DNAH2: variants seen among roughly 807,000 people sequenced by gnomAD.
DNAH2 encodes dynein axonemal heavy chain 2, also known as axonemal beta dynein heavy chain 2.
A neutral mutation model predicts 523.5 loss-of-function variants in DNAH2; 323 were observed. The observed-to-expected ratio is 0.62, with a 90% CI of 0.56 to 0.68. DNAH2 has a LOEUF of 0.68. Ranked by LOEUF, DNAH2 falls within the 30% of genes least tolerant of loss-of-function variation. The probability of loss-of-function intolerance (pLI) is 0.00; values close to 1 mark genes in which losing one functional copy is unlikely to be tolerated. For synonymous variants in DNAH2, 2,093 were observed against 2,177.4 expected, an observed-to-expected ratio of 0.96 and a Z score of 1.08; for missense variants, 4,907 against 5,701.5, an observed-to-expected ratio of 0.86 and a Z score of 4.49.
intron 39 of DNAH2, among the ~76,000 whole-genome samples, chr17:7,783,164 G>A (rs539969372): frequency 1.3e-5 from 2 of 152,162 alleles, no homozygotes; most frequent in South Asian, 2.1e-4. Flanking sequence ...CGCAACCTCC[G>A]CCTCCCAGGT....
At position 7,823,465 on chromosome 17, in the gene DNAH2, G is replaced by A; in HGVS notation, c.11166G>A (p.Met3722Ile). Residue 3722 changes from methionine (M) to isoleucine (I), a missense_variant, in exon 74 of 86, where the codon ATG becomes ATA. Met to Ile is a conservative substitution (Grantham distance 10). Transcript: ENST00000572933. Reference protein sequence around the residue: ...GGVVLDREGQMDNPCSSWLAD... With the variant: ...GGVVLDREGQIDNPCSSWLAD... ...AGGTCTTGGATCGGGAGGGCCAAAT[G>A]GACAATCCATGTAGTAGCTGGCTTG... The A allele has an allele frequency of 2.5e-6, 4 of 1,613,856 alleles. No homozygotes were observed. Among genetic ancestry groups the A allele is most frequent in the Non-Finnish European group, 3.4e-6 (4 of 1,179,962 alleles).
chr17:7,737,585 C>T (rs2075178234), intron 8 of DNAH2, among the ~76,000 whole-genome samples: 1 of 152,156 alleles, frequency 6.6e-6, no homozygotes, highest in African/African-American at 2.4e-5. Context: ...GCTCTTCTTC[C>T]CATTCCTCAA....
intron 28 of DNAH2, among the ~76,000 whole-genome samples, chr17:7,773,541 A>G (rs143639686): frequency 6.6e-6 from 1 of 152,164 alleles, no homozygotes; most frequent in Non-Finnish European, 1.5e-5. Context: ...AGTGAACCCA[A>G]TTGCCATCAA....
At chr17:7,757,270 G>T in intron 13 of DNAH2, 33 bp downstream of exon 13, 1 of 1,603,990 alleles carries the variant, frequency 6.2e-7, no homozygotes, top group African/African-American at 1.3e-5. Context: ...AGCCCTTCAA[G>T]ATGCTATTTT....
chr17:7,751,057 C>T (rs1451481685), intron 12 of DNAH2, among the ~76,000 whole-genome samples: 1 of 152,028 alleles, frequency 6.6e-6, no homozygotes, highest in East Asian at 1.9e-4. Flanking sequence ...GAATGTTTAT[C>T]CTTTGTGATT....
chr17:7,761,371 G>A (rs999998187), intron 18 of DNAH2, among the ~76,000 whole-genome samples: 3 of 152,098 alleles, frequency 2.0e-5, no homozygotes, highest in South Asian at 2.1e-4. Flanking sequence ...GGGCTCAAGC[G>A]ATCCTCCTGG....
In DNAH2 at chr17:7,824,198, G is replaced by A; in HGVS notation, c.11556G>A (p.Leu3852=). 6.2e-7 allele frequency: 1 copy of A among 1,606,330 alleles called. No individual in the cohort carries two copies. Among genetic ancestry groups the A allele is most frequent in the Non-Finnish European group, 8.5e-7 (1 of 1,178,050 alleles). ...SPGVDPTSAL[L]QLAEHMGMAQ... ...GTGTGGACCCCACCAGTGCCCTGCT[G>A]CAGCTGGCAGAGCACATGGGCATGG... Residue 3852 remains leucine (L), a synonymous_variant, in exon 76 of 86, where the codon CTG becomes CTA. Transcript: ENST00000572933.
chr17:7,821,533 C>T lies in DNAH2; in HGVS notation c.11142+164C>T, dbSNP rs1434951272. ...GTGCATGGTGAGCTCCCTGGGGCTGCGGAGGTGACTTGCCATGCACCCCCT... is the reference window on the plus strand; with the variant it reads ...GTGCATGGTGAGCTCCCTGGGGCTGTGGAGGTGACTTGCCATGCACCCCCT... On this transcript the variant is annotated intron_variant, in intron 73 of 85. Coordinates refer to ENST00000572933, the MANE Select transcript of DNAH2 (RefSeq NM_020877.5). This position sits in a 1 kb window ranked among gnomAD's most constrained non-coding sequence, Gnocchi z 5.0. 6.6e-6 allele frequency among the ~76,000 whole-genome samples: 1 copy of T among 152,108 alleles called. No individual in the cohort carries two copies. Among genetic ancestry groups the T allele is most frequent in the Non-Finnish European group, 1.5e-5 (1 of 68,010 alleles).
At chr17:7,778,573 A>G (rs1435805884) in intron 35 of DNAH2, 104 bp downstream of exon 35, 4 of 1,021,522 alleles carry the variant, frequency 3.9e-6, no homozygotes, top group Non-Finnish European at 5.5e-6. Flanking sequence ...GCTTCATGAC[A>G]TTGCATCACA....
In DNAH2 at chr17:7,793,514, TCTTC is replaced by T. The variant is rs1234792032; in HGVS notation, c.7569+310_7569+313del. Reference sequence around the variant, plus strand: ...TTCTTTCTTTCTTTCTTTCTTTCTTTCTTCTCTTTCTCTTTCTTTCTTTTTCTTT... The same window carrying T: ...TTCTTTCTTTCTTTCTTTCTTTCTTTTCTTTCTCTTTCTTTCTTTTTCTTT... On this transcript the variant is annotated intron_variant, in intron 48 of 85. Coordinates refer to ENST00000572933, the MANE Select transcript of DNAH2 (RefSeq NM_020877.5). 5.9e-5 allele frequency among the ~76,000 whole-genome samples: 7 copies of T among 119,206 alleles called. No homozygotes were observed. The East Asian group carries it at 1.4e-3, about 23-fold the overall frequency. 78.2% of individuals were successfully genotyped at this position (119,206 alleles called of 152,430 possible).
Position 7,831,442 on chromosome 17 carries a change from A to C in DNAH2, c.12512A>C (p.Tyr4171Ser), listed in dbSNP as rs373188569. Residue 4171 changes from tyrosine to serine, a missense_variant, in exon 81 of 86, where the codon TAT becomes TCT. By Grantham distance (144) the Tyr-to-Ser change is moderately radical. Transcript: ENST00000572933. The surrounding 1 kb of genome is among the most constrained non-coding windows in gnomAD (Gnocchi z 4.2). Reference sequence around the variant, plus strand: ...CAGAAGATCCCTGAAATGATCGACTATGAGGGGACTCAAAAACTGCTAGCT... The same window carrying C: ...CAGAAGATCCCTGAAATGATCGACTCTGAGGGGACTCAAAAACTGCTAGCT... ...VKQKIPEMID[Y>S]EGTQKLLALD... is the part of the protein sequence containing the mutation. The C allele has an allele frequency of 1.9e-6, 3 of 1,614,044 alleles. No individual in the cohort carries two copies. The Admixed American group carries it at 5.0e-5, about 27-fold the overall frequency.
chr17:7,767,539 G>A (rs12946592), intron 22 of DNAH2, among the ~76,000 whole-genome samples: 25,037 of 151,044 alleles, frequency 0.17, 2,557 homozygotes, highest in East Asian at 0.3. Flanking sequence ...CAGCTGCACC[G>A]TTTCACATTC....
chr17:7,798,046 C>G lies in DNAH2; in HGVS notation c.8231-111C>G. 20 of 1,437,676 alleles carry G rather than the reference C, an allele frequency of 1.4e-5. No individual in the cohort carries two copies. The highest frequency in any genetic ancestry group is 1.9e-5 in the Non-Finnish European group (20 of 1,074,726). 89.1% of individuals were successfully genotyped at this position (1,437,676 alleles called of 1,614,324 possible). On this transcript the variant is annotated intron_variant, in intron 53 of 85. Transcript: ENST00000572933. The surrounding 1 kb of genome is among the most constrained non-coding windows in gnomAD (Gnocchi z 5.5). The stretch of plus-strand genomic sequence containing the variant: ...CTTGGGCACCAACTTCTTCTCATAC[C>G]TCTTGGTTCCTCTGCTTCAGTTTCA...
Position 7,775,306 on chromosome 17 carries a change from C to G in DNAH2, c.4785C>G (p.Asp1595Glu). The change falls in exon 30 of 86, where the codon GAC becomes GAG. Residue 1595 changes from aspartate (D) to glutamate (E), a missense_variant. Asp to Glu is a conservative substitution (Grantham distance 45). This residue lies in a region of DNAH2 where 2,806 missense variants were observed against 3,190.8 expected (regional missense o/e 0.88). Coordinates refer to ENST00000572933, the MANE Select transcript of DNAH2 (RefSeq NM_020877.5). ...TCTCGGGCGACGGCGAGTACATTGA[C>G]TTCCTCCACTCAGTATTTTTAGAAG... The part of the protein sequence containing the change: ...GMFSGDGEYI[D>E]FLHSVFLEGP... The G allele has an allele frequency of 1.2e-6, 2 of 1,613,294 alleles. No homozygotes were observed. Among genetic ancestry groups the G allele is most frequent in the South Asian group, 2.2e-5 (2 of 90,814 alleles).
chr17:7,720,059 C>A (rs916892650), intron 2 of DNAH2, among the ~76,000 whole-genome samples, 159 bp downstream of exon 2: 2 of 152,220 alleles, frequency 1.3e-5, no homozygotes, highest in African/African-American at 4.8e-5. Flanking sequence ...AGCCCTGCCA[C>A]TGAGTCCTTT....
intron 56 of DNAH2, among the ~76,000 whole-genome samples, chr17:7,800,161 C>T (rs746390813): frequency 3.9e-5 from 6 of 152,160 alleles, no homozygotes; most frequent in African/African-American, 7.2e-5. Flanking sequence ...AAGTAATCTT[C>T]GTGCCTTAGC....
intron 65 of DNAH2, 42 bp from the exon 66 acceptor site, chr17:7,817,519 C>T: frequency 6.2e-7 from 1 of 1,613,740 alleles, no homozygotes; most frequent in South Asian, 1.1e-5. Context: ...GGCTGCTGGG[C>T]TCAGCTCTTC....
At chr17:7,744,900 G>C (rs1218986410) in intron 12 of DNAH2, among the ~76,000 whole-genome samples, 1 of 152,098 alleles carries the variant, frequency 6.6e-6, no homozygotes. Context: ...TGGATATGAG[G>C]GCACACAGTT....
chr17:7,719,734 G>A lies in DNAH2; in HGVS notation c.-1G>A, dbSNP rs1193383609. ...GTATACCTGTAGGTTTTGCCTGCAC[G>A]ATGTCCAGCAAAGCTGAGAAGAAGC... is the stretch of plus-strand genomic sequence containing the variant. On this transcript the variant is annotated 5_prime_UTR_variant, in exon 2 of 86. Coordinates refer to ENST00000572933, the MANE Select transcript of DNAH2 (RefSeq NM_020877.5). 13 of 1,614,076 alleles carry A rather than the reference G, an allele frequency of 8.1e-6. No individual in the cohort carries two copies. Among genetic ancestry groups the A allele is most frequent in the African/African-American group, 1.3e-5 (1 of 74,946 alleles).
Sources: gnomAD v4.1 joint callset for allele counts (sites outside exome capture counted in the v4.1 genomes callset) on GRCh38, gnomAD v4.1.1 for gene constraint, gnomAD v4.1.1 regional missense constraint, Gnocchi (gnomAD v3.1) non-coding constraint, MANE v1.5 for transcripts, NCBI Gene and HGNC (gene_info 2026-07-23, HGNC 2026-07-21) for gene names.